Variants in ZFYVE9 observed in about 807,000 individuals in gnomAD.
ZFYVE9 encodes zinc finger FYVE-type containing 9.
A neutral mutation model predicts 126.7 loss-of-function variants in ZFYVE9; 43 were observed. The observed-to-expected ratio is 0.34, with a 90% CI of 0.27 to 0.44. The LOEUF (loss-of-function observed/expected upper bound fraction) is 0.44. ZFYVE9 is among the 20% of genes least tolerant of loss of function. ZFYVE9 has a pLI of 1.00. For missense variants in ZFYVE9, 1,476 were observed against 1,697.0 expected, an observed-to-expected ratio of 0.87 and a Z score of 2.29; for synonymous variants, 521 against 597.4, an observed-to-expected ratio of 0.87 and a Z score of 1.87.
At chr1:52,160,571 A>G in intron 1 of ZFYVE9, 1 of 745,356 alleles carries the variant, frequency 1.3e-6, no homozygotes, top group Non-Finnish European at 2.5e-6. Flanking sequence ...CATGACCTTC[A>G]CATTACCAAT....
intron 1 of ZFYVE9, among the ~76,000 whole-genome samples, chr1:52,199,036 T>C (rs1644897283): frequency 6.6e-6 from 1 of 152,158 alleles, no homozygotes; most frequent in Non-Finnish European, 1.5e-5. Flanking sequence ...CTCTGCCGAT[T>C]CATTCCTCTC....
intron 1 of ZFYVE9, among the ~76,000 whole-genome samples, chr1:52,200,149 A>G (rs1250425639): frequency 6.6e-6 from 1 of 150,990 alleles, no homozygotes; most frequent in African/African-American, 2.4e-5. Context: ...TCCTCTTAAC[A>G]GTGTCATTTG....
At chr1:52,180,971 GT>G (rs1644694279) in intron 1 of ZFYVE9, among the ~76,000 whole-genome samples, 1 of 100,470 alleles carries the variant, frequency 1.0e-5, no homozygotes, top group African/African-American at 4.0e-5. Context: ...GCAAAACTCC[GT>G]CTCAAAAAAA....
rs749250100 is a variant in ZFYVE9 at position 52,332,872 on chromosome 1, A to G, written c.3543A>G (p.Gly1181=). 6.2e-6 allele frequency: 10 copies of G among 1,614,188 alleles called. No homozygotes were observed. The highest frequency in any genetic ancestry group is 1.3e-5 in the African/African-American group (1 of 75,060). The change falls in exon 14 of 19, where the codon GGA becomes GGG. Residue 1181 remains glycine (G), a synonymous_variant. Transcript: ENST00000287727. ...SHLVCVQNDD[G]NYQTQAISIH... ...TTGTGTGTGTACAGAATGATGATGG[A>G]AACTATCAGACCCAGGCTATCAGTA...
rs1212558692 is a variant in ZFYVE9 at position 52,346,224 on chromosome 1, A to G, written c.*3A>G. 6.3e-7 allele frequency: 1 copy of G among 1,575,562 alleles called. No homozygotes were observed. Among genetic ancestry groups the G allele is most frequent in the East Asian group, 2.3e-5 (1 of 44,092 alleles). On this transcript the variant is annotated 3_prime_UTR_variant, in exon 19 of 19. Coordinates refer to ENST00000287727, the MANE Select transcript of ZFYVE9 (RefSeq NM_004799.4). Reference sequence around the variant, plus strand: ...ATATTCTGGAAAACATCGTATAAACAGAGAAGACTTCATTTTTTTCTGTTC... The same window carrying G: ...ATATTCTGGAAAACATCGTATAAACGGAGAAGACTTCATTTTTTTCTGTTC...
intron 1 of ZFYVE9, among the ~76,000 whole-genome samples, chr1:52,172,652 T>C (rs1210195496): frequency 6.6e-6 from 1 of 152,184 alleles, no homozygotes; most frequent in Non-Finnish European, 1.5e-5. Flanking sequence ...GTTCTTCCAT[T>C]TGTTTGTATC....
intron 1 of ZFYVE9, among the ~76,000 whole-genome samples, chr1:52,212,937 C>G (rs1645040850): frequency 6.6e-6 from 1 of 152,098 alleles, no homozygotes; most frequent in East Asian, 1.9e-4. Context: ...CTGTGAAATT[C>G]TTTGTTTTCC....
At chr1:52,165,403 G>A (rs943309425) in intron 1 of ZFYVE9, among the ~76,000 whole-genome samples, 2 of 152,106 alleles carry the variant, frequency 1.3e-5, no homozygotes, top group African/African-American at 4.8e-5. Flanking sequence ...ATGAATTAGA[G>A]AAAAGGAAGG....
chr1:52,254,606 G>A (rs1053602621), intron 4 of ZFYVE9, among the ~76,000 whole-genome samples: 4 of 152,084 alleles, frequency 2.6e-5, no homozygotes, highest in African/African-American at 9.7e-5. Flanking sequence ...AACAAGTGCA[G>A]TAAACAAAAA....
intron 1 of ZFYVE9, among the ~76,000 whole-genome samples, chr1:52,196,875 A>G (rs937097872): frequency 6.6e-6 from 1 of 152,186 alleles, no homozygotes; most frequent in Admixed American, 6.6e-5. Flanking sequence ...AGAAAGTGAC[A>G]AAAGTATAAA....
chr1:52,266,875 T>C, intron 6 of ZFYVE9, 44 bp downstream of exon 6: 1 of 1,497,238 alleles, frequency 6.7e-7, no homozygotes. Flanking sequence ...CTCACGAAGT[T>C]CCTCTGAAAA....
chr1:52,292,474 T>TC (rs1192598315), intron 10 of ZFYVE9, among the ~76,000 whole-genome samples: 1 of 143,136 alleles, frequency 7.0e-6, no homozygotes, highest in African/African-American at 2.6e-5. Context: ...CATTTCTTTT[T>TC]TTTTTTTTTT....
chr1:52,271,547 G>A (rs1483632106), intron 7 of ZFYVE9, among the ~76,000 whole-genome samples: 1 of 152,048 alleles, frequency 6.6e-6, no homozygotes, highest in Non-Finnish European at 1.5e-5. Context: ...TAGATTTTAA[G>A]CCCCACAGTA....
chr1:52,268,501 G>T lies in ZFYVE9; in HGVS notation c.2494G>T (p.Asp832Tyr). ...AGAGCAGAGGCGAGTTTGGTTTGCT[G>T]ATGGGATCTTGCCCAATGGAGAAGT... is the stretch of plus-strand genomic sequence containing the variant. ...PREQRRVWFA[D>Y]GILPNGEVAD... Residue 832 changes from aspartate to tyrosine, a missense_variant, in exon 7 of 19, where the codon GAT becomes TAT. Around this residue, in one of 2 missense-constraint regions of ZFYVE9, gnomAD observed 669 missense variants for 902.4 expected, o/e 0.74. Transcript: ENST00000287727. 1.9e-6 allele frequency: 3 copies of T among 1,614,148 alleles called. No homozygotes were observed. Among genetic ancestry groups the T allele is most frequent in the South Asian group, 2.2e-5 (2 of 91,076 alleles).
intron 1 of ZFYVE9, among the ~76,000 whole-genome samples, chr1:52,153,261 A>T (rs569760097): frequency 3.9e-4 from 60 of 152,302 alleles, no homozygotes; most frequent in Admixed American, 2.0e-3. Flanking sequence ...ATATCTTCAC[A>T]GTTTCTGAGA....
chr1:52,210,846 G>A (rs1054552133), intron 1 of ZFYVE9, among the ~76,000 whole-genome samples: 1 of 152,194 alleles, frequency 6.6e-6, no homozygotes, highest in Non-Finnish European at 1.5e-5. Flanking sequence ...GTAGAGACGG[G>A]GTTTCGCCAT....
At chr1:52,172,567 A>C (rs1459214645) in intron 1 of ZFYVE9, among the ~76,000 whole-genome samples, 1 of 152,140 alleles carries the variant, frequency 6.6e-6, no homozygotes, top group Non-Finnish European at 1.5e-5. Context: ...TGGGGATGGC[A>C]TTGAATCTAT....
chr1:52,276,209 C>T (rs1645747218), intron 8 of ZFYVE9, among the ~76,000 whole-genome samples: 1 of 152,044 alleles, frequency 6.6e-6, no homozygotes, highest in South Asian at 2.1e-4. Flanking sequence ...CCCGGTCTGA[C>T]AATGTTTCTT....
In ZFYVE9 at chr1:52,343,289, T is replaced by C. The variant is rs1646456054; in HGVS notation, c.3940-1479T>C. On this transcript the variant is annotated intron_variant, in intron 17 of 18. Coordinates refer to ENST00000287727, the MANE Select transcript of ZFYVE9 (RefSeq NM_004799.4). Reference sequence around the variant, plus strand: ...GGTGAAACCCCATCTCTACTAAAAATACAAAAATTAGTCTGGCTTGGTGGC... The same window carrying C: ...GGTGAAACCCCATCTCTACTAAAAACACAAAAATTAGTCTGGCTTGGTGGC... Among the ~76,000 whole-genome samples, 3 of 151,622 alleles carry C rather than the reference T, an allele frequency of 2.0e-5. No homozygotes were observed. The South Asian group carries it at 6.3e-4, about 32-fold the overall frequency.
Sources: allele counts gnomAD v4.1 joint callset (sites outside exome capture counted in the v4.1 genomes callset), GRCh38; gene constraint gnomAD v4.1.1; regional missense constraint gnomAD v4.1.1; transcripts MANE v1.5; gene names NCBI Gene and HGNC (gene_info 2026-07-23, HGNC 2026-07-21).